The following C1QB variants were observed in gnomAD, a reference collection of about 807,000 sequenced individuals.
C1QB encodes the protein complement C1q subcomponent subunit B.
A neutral mutation model predicts 4.6 loss-of-function variants in C1QB; 2 were observed. The ratio of observed to expected loss-of-function variants is 0.43; its 90% CI spans 0.18 to 1.36. C1QB has a LOEUF of 1.36. C1QB is among the 40% of genes most tolerant of loss of function. C1QB has a pLI of 0.28. For missense variants in C1QB, 292 were observed against 338.0 expected (o/e 0.86, Z 1.07); for synonymous variants, 132 against 137.1 (o/e 0.96, Z 0.26).
chr1:22,660,279 C>T (rs1034777525), intron 2 of C1QB, among the ~76,000 whole-genome samples: 5 of 152,170 alleles, frequency 3.3e-5, no homozygotes, highest in South Asian at 2.1e-4. Flanking sequence ...AGATGTGACA[C>T]GCAAAGCACA....
chr1:22,660,838 G>C lies in C1QB; in HGVS notation c.208G>C (p.Gly70Arg), dbSNP rs1158228526. 1 of 1,613,982 alleles carries C rather than the reference G, an allele frequency of 6.2e-7. No individual in the cohort carries two copies. The highest frequency in any genetic ancestry group is 8.5e-7 in the Non-Finnish European group (1 of 1,179,990). Residue 70 changes from glycine (G) to arginine (R), a missense_variant, in exon 3 of 3, where the codon GGT becomes CGT. By Grantham distance (125) the Gly-to-Arg change is moderately radical. Coordinates refer to ENST00000509305, the MANE Select transcript of C1QB (RefSeq NM_001378156.1). ...KGLPGLAGDH[G>R]EFGEKGDPGI... is the part of the protein sequence containing the mutation. ...GCTTCCAGGGCTGGCTGGAGACCAT[G>C]GTGAGTTCGGAGAGAAGGGAGACCC... is the stretch of plus-strand genomic sequence containing the variant.
chr1:22,654,241 A>G (rs1024782477), intron 1 of C1QB: 2 of 152,266 alleles, frequency 1.3e-5, no homozygotes, highest in Non-Finnish European at 2.9e-5. Flanking sequence ...GTTAAACCAG[A>G]TGAGTTGTAA....
rs143233049 is a variant in C1QB at position 22,661,353 on chromosome 1, C to T, written c.723C>T (p.Ser241=). ...LGMEGANSIF[S]GFLLFPDMEA ...TGGAGGGTGCCAACAGCATCTTTTC[C>T]GGGTTCCTGCTCTTTCCAGATATGG... Residue 241 remains serine (S), a synonymous_variant, in exon 3 of 3, where the codon TCC becomes TCT. Transcript: ENST00000509305. The T allele has an allele frequency of 4.0e-4, 649 of 1,613,994 alleles. 1 individual carries two copies. Among genetic ancestry groups the T allele is most frequent in the African/African-American group, 3.7e-3 (278 of 75,008 alleles).
Position 22,661,609 on chromosome 1 carries a change from A to T in C1QB, c.*223A>T, listed in dbSNP as rs1289590290. ...TGCCATGCTCAGAAATGTTGGTTAC[A>T]TGAATGAATGAACCATGAATGAATG... is the stretch of plus-strand genomic sequence containing the variant. On this transcript the variant is annotated 3_prime_UTR_variant, in exon 3 of 3. Coordinates refer to ENST00000509305, the MANE Select transcript of C1QB (RefSeq NM_001378156.1). 1.7e-6 allele frequency: 1 copy of T among 592,622 alleles called. No individual in the cohort carries two copies. The highest frequency in any genetic ancestry group is 2.8e-5 in the Admixed American group (1 of 36,108). 36.7% of individuals were successfully genotyped at this position (592,622 alleles called of 1,614,324 possible). A position where few individuals can be genotyped will look rare whatever the true frequency, so the allele number is the denominator to read the frequency against.
Position 22,661,448 on chromosome 1 carries a change from A to C in C1QB, c.*62A>C. The C allele has an allele frequency of 3.8e-6, 6 of 1,579,516 alleles. No individual in the cohort carries two copies. Among genetic ancestry groups the C allele is most frequent in the Non-Finnish European group, 4.3e-6 (5 of 1,151,762 alleles). ...GCCAGCAACGCTCACTCTACCCCCA[A>C]CACCACCCCTTGCCCAACCAATGCA... On this transcript the variant is annotated 3_prime_UTR_variant, in exon 3 of 3. Coordinates refer to ENST00000509305, the MANE Select transcript of C1QB (RefSeq NM_001378156.1).
Position 22,660,889 on chromosome 1 carries a change from G to C in C1QB, c.259G>C (p.Val87Leu). The C allele has an allele frequency of 6.2e-7, 1 of 1,613,524 alleles. No homozygotes were observed. Among genetic ancestry groups the C allele is most frequent in the African/African-American group, 1.3e-5 (1 of 74,924 alleles). ...AGGGATTCCTGGGAATCCAGGAAAA[G>C]TCGGCCCCAAGGGCCCCATGGGCCC... ...DPGIPGNPGK[V>L]GPKGPMGPKG... The change falls in exon 3 of 3, where the codon GTC (valine) becomes CTC (leucine). Residue 87 changes from valine (V) to leucine (L), a missense_variant. Coordinates refer to ENST00000509305, the MANE Select transcript of C1QB (RefSeq NM_001378156.1).
At chr1:22,655,123 T>C (rs1257113025) in intron 1 of C1QB, among the ~76,000 whole-genome samples, 1 of 152,188 alleles carries the variant, frequency 6.6e-6, no homozygotes, top group Admixed American at 6.5e-5. Flanking sequence ...CAGGGGATAA[T>C]GGCATGCAAG....
At chr1:22,655,564 T>C (rs1473952652) in intron 1 of C1QB, among the ~76,000 whole-genome samples, 1 of 152,152 alleles carries the variant, frequency 6.6e-6, no homozygotes, top group Non-Finnish European at 1.5e-5. Flanking sequence ...AACCCTGCTG[T>C]TAGAATAGTT....
intron 1 of C1QB, among the ~76,000 whole-genome samples, chr1:22,655,682 T>C (rs1642519012): frequency 6.6e-6 from 1 of 152,172 alleles, no homozygotes; most frequent in African/African-American, 2.4e-5. Context: ...GTTGAGAGGA[T>C]CAGAGAACAG....
rs765252911 is a variant in C1QB, at chr1:22,659,655, T to A, written c.181+12T>A. On this transcript the variant is annotated intron_variant, in intron 2 of 2. Coordinates refer to ENST00000509305, the MANE Select transcript of C1QB (RefSeq NM_001378156.1). ...AAAAGGAGAGAAAGGTACCATGGGA[T>A]TTAGCAGGACACTGGTAATACTGAC... The A allele has an allele frequency of 1.3e-5, 21 of 1,606,136 alleles. No homozygotes were observed. The East Asian group carries it at 4.0e-4, about 31-fold the overall frequency.
chr1:22,661,431 C>T lies in C1QB; in HGVS notation c.*45C>T, dbSNP rs551075438. On this transcript the variant is annotated 3_prime_UTR_variant, in exon 3 of 3. Transcript: ENST00000509305. ...CCACCCCGGCTCCCCCTGCCAGCAA[C>T]GCTCACTCTACCCCCAACACCACCC... 2.2e-5 allele frequency: 36 copies of T among 1,607,668 alleles called. No homozygotes were observed. Among genetic ancestry groups the T allele is most frequent in the Admixed American group, 3.3e-5 (2 of 59,996 alleles).
chr1:22,661,330 G>C lies in C1QB; in HGVS notation c.700G>C (p.Glu234Gln). 6.2e-7 allele frequency: 1 copy of C among 1,614,058 alleles called. No homozygotes were observed. The highest frequency in any genetic ancestry group is 8.5e-7 in the Non-Finnish European group (1 of 1,180,014). The change falls in exon 3 of 3, where the codon GAG becomes CAG. Residue 234 changes from glutamate to glutamine, a missense_variant. Glu to Gln is a conservative substitution (Grantham distance 29). Transcript: ENST00000509305. The stretch of plus-strand genomic sequence containing the variant: ...CGACAAGAACTCACTACTGGGCATG[G>C]AGGGTGCCAACAGCATCTTTTCCGG... The part of the protein sequence containing the change: ...ATDKNSLLGM[E>Q]GANSIFSGFL...
At chr1:22,654,595 T>C (rs879458553) in intron 1 of C1QB, among the ~76,000 whole-genome samples, 6 of 152,216 alleles carry the variant, frequency 3.9e-5, no homozygotes, top group Admixed American at 1.3e-4. Flanking sequence ...TTGGAAGCTG[T>C]AACTCATGTC....
intron 1 of C1QB, among the ~76,000 whole-genome samples, chr1:22,656,244 C>T (rs575426300): frequency 1.3e-5 from 2 of 152,226 alleles, no homozygotes; most frequent in East Asian, 1.9e-4. Context: ...TTGCCATAAG[C>T]GGTAATTCCT....
Position 22,661,161 on chromosome 1 carries a change from C to G in C1QB, c.531C>G (p.Asn177Lys). 7.4e-6 allele frequency: 12 copies of G among 1,614,160 alleles called. No individual in the cohort carries two copies. Among genetic ancestry groups the G allele is most frequent in the Non-Finnish European group, 1.0e-5 (12 of 1,180,020 alleles). Residue 177 changes from asparagine (N) to lysine (K), a missense_variant, in exon 3 of 3, where the codon AAC (asparagine) becomes AAG (lysine). Asn to Lys is a moderately conservative substitution (Grantham distance 94, BLOSUM62 0). Coordinates refer to ENST00000509305, the MANE Select transcript of C1QB (RefSeq NM_001378156.1). ...YFTYHASSRG[N>K]LCVNLMRGRE... Reference sequence around the variant, plus strand: ...CCTACCACGCCAGCTCTCGAGGGAACCTGTGCGTGAACCTCATGCGTGGCC... The same window carrying G: ...CCTACCACGCCAGCTCTCGAGGGAAGCTGTGCGTGAACCTCATGCGTGGCC...
chr1:22,661,493 T>C lies in C1QB; in HGVS notation c.*107T>C. On this transcript the variant is annotated 3_prime_UTR_variant, in exon 3 of 3. Coordinates refer to ENST00000509305, the MANE Select transcript of C1QB (RefSeq NM_001378156.1). ...AATGCACACAGTAGGGCTTGGTGAA[T>C]GCTGCTGAGTGAATGAGTAAATAAA... 1.5e-6 allele frequency: 2 copies of C among 1,290,354 alleles called. No individual in the cohort carries two copies. Among genetic ancestry groups the C allele is most frequent in the East Asian group, 2.4e-5 (1 of 42,450 alleles). The allele number at this position is 1,290,354 out of a possible 1,614,324, so 79.9% of individuals were successfully genotyped here. A position where few individuals can be genotyped will look rare whatever the true frequency, so the allele number is the denominator to read the frequency against.
At chr1:22,659,113 G>T (rs1193057408) in intron 1 of C1QB, among the ~76,000 whole-genome samples, 1 of 146,776 alleles carries the variant, frequency 6.8e-6, no homozygotes, top group Non-Finnish European at 1.5e-5. Flanking sequence ...AGGGATGGAG[G>T]ATAGAGAGAT....
chr1:22,659,269 C>T lies in C1QB; in HGVS notation c.-23-171C>T, dbSNP rs201978682. On this transcript the variant is annotated intron_variant, in intron 1 of 2. Transcript: ENST00000509305. ...ATAGAGAGATGGATGGATGGATGGA[C>T]GGATGCAGATGGAGGGATAGAGAGA... Among the ~76,000 whole-genome samples the T allele has an allele frequency of 2.0e-4, 22 of 109,508 alleles. No homozygotes were observed. In the East Asian group the frequency reaches 3.3e-3, roughly 16 times the overall value. The allele number at this position is 109,508 out of a possible 152,430, so 71.8% of individuals were successfully genotyped here.
At chr1:22,654,476 C>T (rs1029940921) in intron 1 of C1QB, among the ~76,000 whole-genome samples, 4 of 152,154 alleles carry the variant, frequency 2.6e-5, no homozygotes, top group Admixed American at 1.3e-4. Context: ...TCTTTTTTTA[C>T]TTCTCCAACC....
Sources: allele counts gnomAD v4.1 joint callset (sites outside exome capture counted in the v4.1 genomes callset), GRCh38; gene constraint gnomAD v4.1.1; transcripts MANE v1.5; gene names NCBI Gene and HGNC (gene_info 2026-07-23, HGNC 2026-07-21).